PMFBP1: variants seen among roughly 807,000 people sequenced by gnomAD.
The protein encoded by PMFBP1 is polyamine modulated factor 1 binding protein 1, also known as polyamine-modulated factor 1-binding protein 1.
PMFBP1 carries 131 observed loss-of-function variants against 137.8 expected under a neutral mutation model. The observed-to-expected ratio is 0.95, with a 90% confidence interval of 0.82 to 1.10. The LOEUF (loss-of-function observed/expected upper bound fraction) is 1.10, where lower values mean the gene tolerates loss of function less well. PMFBP1 is among the 50% of genes least tolerant of loss of function. The pLI is 0.00. For synonymous variants in PMFBP1, 490 were observed against 450.4 expected, an observed-to-expected ratio of 1.09 and a Z score of -1.11; for missense variants, 1,199 against 1,175.4, an observed-to-expected ratio of 1.02 and a Z score of -0.29.
chr16:72,174,524 G>A (rs1288933545), upstream of PMFBP1, among the ~76,000 whole-genome samples: 1 of 152,306 alleles, frequency 6.6e-6, no homozygotes, highest in Non-Finnish European at 1.5e-5. Context: ...AGGTGTCACT[G>A]TCCTGGTCAG....
At chr16:72,134,831 C>T (rs569905115) in intron 9 of PMFBP1, among the ~76,000 whole-genome samples, 51 of 152,246 alleles carry the variant, frequency 3.3e-4, no homozygotes, top group South Asian at 2.1e-4. Context: ...TGTGTACAAC[C>T]GCCATCAAGC....
In PMFBP1 at chr16:72,128,639, G is replaced by A; in HGVS notation, c.2088+18C>T. On this transcript the variant is annotated intron_variant, in intron 14 of 20. Transcript: ENST00000237353. ...AGGGTTCAAATTCCTCACTCCCTTGGGGTTCCTGTCTACTCACCTCTTTAT... is the reference window on the plus strand; with the variant it reads ...AGGGTTCAAATTCCTCACTCCCTTGAGGTTCCTGTCTACTCACCTCTTTAT... 11 of 1,613,944 alleles carry A rather than the reference G, an allele frequency of 6.8e-6. No homozygotes were observed. Among genetic ancestry groups the A allele is most frequent in the Non-Finnish European group, 9.3e-6 (11 of 1,179,940 alleles).
intron 20 of PMFBP1, 100 bp from the exon 21 acceptor site, chr16:72,119,454 G>C (rs968124153): frequency 2.0e-5 from 32 of 1,605,154 alleles, no homozygotes; most frequent in Non-Finnish European, 2.7e-5. Flanking sequence ...CTGCTGCAGG[G>C]TGACTTCTTG....
the PMFBP1 span, among the ~76,000 whole-genome samples, chr16:72,247,038 A>T: frequency 6.6e-6 from 1 of 152,212 alleles, no homozygotes; most frequent in Non-Finnish European, 1.5e-5. Flanking sequence ...CAGGAAGCTG[A>T]CTTCTTACTC....
At chr16:72,163,946 A>C (rs1249398656) in intron 3 of PMFBP1, among the ~76,000 whole-genome samples, 1 of 152,020 alleles carries the variant, frequency 6.6e-6, no homozygotes, top group African/African-American at 2.4e-5. Flanking sequence ...GTGAGGGATA[A>C]AAGACTACAA....
the PMFBP1 span, among the ~76,000 whole-genome samples, chr16:72,196,275 A>G: frequency 1.3e-5 from 2 of 152,088 alleles, no homozygotes; most frequent in African/African-American, 4.8e-5. Context: ...TCCTTCAAAG[A>G]GTTGGGTGTC....
the PMFBP1 span, among the ~76,000 whole-genome samples, chr16:72,211,799 A>C: frequency 6.6e-6 from 1 of 152,136 alleles, no homozygotes; most frequent in Admixed American, 6.5e-5. Context: ...GTTCGAGAGC[A>C]GTGTAGGCAA....
downstream of PMFBP1, among the ~76,000 whole-genome samples, chr16:72,117,813 T>C (rs1446023800): frequency 6.6e-6 from 1 of 152,220 alleles, no homozygotes; most frequent in Non-Finnish European, 1.5e-5. Context: ...TAACAAATTA[T>C]AGGCAGGCAA....
Position 72,136,619 on chromosome 16 carries a change from G to C in PMFBP1, c.1046-14C>G. The C allele has an allele frequency of 6.2e-7, 1 of 1,613,950 alleles. No homozygotes were observed. The highest frequency in any genetic ancestry group is 8.5e-7 in the Non-Finnish European group (1 of 1,179,982). On this transcript the variant is annotated splice_polypyrimidine_tract_variant and intron_variant, in intron 8 of 20. Coordinates refer to ENST00000237353, the MANE Select transcript of PMFBP1 (RefSeq NM_031293.3). Reference sequence around the variant, plus strand: ...GCTTCATCATGTCTACCATGGGGCGGGACAGAGTCTATGCTCAGGGGAGAG... The same window carrying C: ...GCTTCATCATGTCTACCATGGGGCGCGACAGAGTCTATGCTCAGGGGAGAG...
At chr16:72,138,344 C>G (rs2042664997) in intron 7 of PMFBP1, among the ~76,000 whole-genome samples, 1 of 152,168 alleles carries the variant, frequency 6.6e-6, no homozygotes, top group Admixed American at 6.5e-5. Flanking sequence ...CCGCTTCGCC[C>G]CCATTTCAGC....
the PMFBP1 span, among the ~76,000 whole-genome samples, chr16:72,221,104 T>C: frequency 6.6e-6 from 1 of 152,104 alleles, no homozygotes; most frequent in Non-Finnish European, 1.5e-5. Context: ...TCTGAAAGGT[T>C]AAGCAAAGAC....
the PMFBP1 span, among the ~76,000 whole-genome samples, chr16:72,191,374 C>A: frequency 6.6e-6 from 1 of 152,180 alleles, no homozygotes; most frequent in East Asian, 1.9e-4. Flanking sequence ...CAGGCACATG[C>A]CACTAAAAAC....
At chr16:72,200,290 T>A in the PMFBP1 span, among the ~76,000 whole-genome samples, 2 of 152,266 alleles carry the variant, frequency 1.3e-5, no homozygotes, top group African/African-American at 4.8e-5. Context: ...CAGAGTAAAC[T>A]GTCCAGCTGT....
chr16:72,119,617 G>A (rs1555541297), intron 20 of PMFBP1: 2 of 1,443,534 alleles, frequency 1.4e-6, no homozygotes, highest in African/African-American at 1.4e-5. Flanking sequence ...TCAGGGGAGG[G>A]GGCAGGTCTG....
intron 9 of PMFBP1, among the ~76,000 whole-genome samples, chr16:72,135,973 T>C (rs1446337381): frequency 6.6e-6 from 1 of 151,972 alleles, no homozygotes; most frequent in East Asian, 1.9e-4. Flanking sequence ...CAGGCTGGTC[T>C]CAAACTCCTG....
chr16:72,153,105 A>T (rs577652091), intron 4 of PMFBP1, among the ~76,000 whole-genome samples: 14 of 152,330 alleles, frequency 9.2e-5, no homozygotes, highest in South Asian at 2.1e-4. Context: ...GGGTCACTTT[A>T]TCCAGGCTGG....
chr16:72,236,326 T>C, the PMFBP1 span, among the ~76,000 whole-genome samples: 1 of 152,176 alleles, frequency 6.6e-6, no homozygotes, highest in African/African-American at 2.4e-5. Context: ...TAAACTTAAG[T>C]GAAGAGGATA....
intron 3 of PMFBP1, among the ~76,000 whole-genome samples, chr16:72,157,708 T>C (rs1173973865): frequency 6.6e-6 from 1 of 152,106 alleles, no homozygotes; most frequent in Non-Finnish European, 1.5e-5. Context: ...TCCCTGAGCT[T>C]TTATGAAGGT....
chr16:72,227,546 T>C, the PMFBP1 span, among the ~76,000 whole-genome samples: 371 of 152,334 alleles, frequency 2.4e-3, 3 homozygotes, highest in African/African-American at 8.3e-3. Flanking sequence ...ATTAAAAAAA[T>C]TGACATTATT....
Sources: allele counts gnomAD v4.1 joint callset (sites outside exome capture counted in the v4.1 genomes callset), GRCh38; gene constraint gnomAD v4.1.1; transcripts MANE v1.5; gene names NCBI Gene and HGNC (gene_info 2026-07-23, HGNC 2026-07-21).